BORCS8: variants seen among roughly 807,000 people sequenced by gnomAD.
BORCS8 encodes the protein BLOC-1-related complex subunit 8.
In BORCS8, 13 loss-of-function variants were observed where a neutral mutation model predicts 18.7. That is an observed-to-expected ratio of 0.70 (90% confidence interval 0.45 to 1.11). BORCS8 has a LOEUF of 1.11. Ranked by LOEUF, BORCS8 falls within the 50% of genes least tolerant of loss-of-function variation. The probability of loss-of-function intolerance (pLI) is 0.00; values close to 1 mark genes in which losing one functional copy is unlikely to be tolerated. For synonymous variants in BORCS8, 68 were observed against 64.8 expected, an observed-to-expected ratio of 1.05 and a Z score of -0.24; for missense variants, 165 against 165.7, an observed-to-expected ratio of 1.00 and a Z score of 0.02.
intron 5 of BORCS8, 56 bp downstream of exon 5, chr19:19,180,630 G>C: frequency 3.3e-6 from 4 of 1,223,338 alleles, no homozygotes; most frequent in Non-Finnish European, 4.7e-6. Context: ...TGCCAAGCGG[G>C]CGGGTTGGTT....
intron 5 of BORCS8, chr19:19,177,726 A>AGG (rs2060312957): frequency 5.7e-6 from 1 of 175,710 alleles, no homozygotes; most frequent in African/African-American, 2.5e-5. Context: ...AAGAAAAGAA[A>AGG]AGAAAAGAAA....
At position 19,182,926 on chromosome 19, in the gene BORCS8, G is replaced by T. The variant is rs542042466; in HGVS notation, c.216-243C>A. Among the ~76,000 whole-genome samples the T allele has an allele frequency of 6.6e-6, 1 of 152,156 alleles. No individual in the cohort carries two copies. The highest frequency in any genetic ancestry group is 1.5e-5 in the Non-Finnish European group (1 of 68,032). On this transcript the variant is annotated intron_variant, in intron 3 of 5. Coordinates refer to ENST00000462790, the MANE Select transcript of BORCS8 (RefSeq NM_001145784.2). This position sits in a 1 kb window ranked among gnomAD's most constrained non-coding sequence, Gnocchi z 4.1. ...TTTGAAGGAGGGATCAGTGTATAAA[G>T]ATGTCATAAAAAATATCTCGGCCAT... is the stretch of plus-strand genomic sequence containing the variant.
In BORCS8 at chr19:19,182,981, G is replaced by A. The variant is rs1453044389; in HGVS notation, c.216-298C>T. Among the ~76,000 whole-genome samples the A allele has an allele frequency of 6.6e-6, 1 of 152,128 alleles. No homozygotes were observed. The highest frequency in any genetic ancestry group is 2.4e-5 in the African/African-American group (1 of 41,422). On this transcript the variant is annotated intron_variant, in intron 3 of 5. Coordinates refer to ENST00000462790, the MANE Select transcript of BORCS8 (RefSeq NM_001145784.2). The surrounding 1 kb of genome is among the most constrained non-coding windows in gnomAD (Gnocchi z 4.1). ...GCTGATAATGGGGGTGTAAAAAATAGGAAAGAAAAAACACCTGGGCACTGT... is the reference window on the plus strand; with the variant it reads ...GCTGATAATGGGGGTGTAAAAAATAAGAAAGAAAAAACACCTGGGCACTGT...
At chr19:19,185,479 A>T (rs539068312) in intron 3 of BORCS8, among the ~76,000 whole-genome samples, 19 of 152,194 alleles carry the variant, frequency 1.2e-4, no homozygotes, top group Non-Finnish European at 2.2e-4. Flanking sequence ...TGAGGTCAGA[A>T]GTTTGAGACC....
rs1339765112 is a variant in BORCS8 at position 19,184,359 on chromosome 19, G to A, written c.215+1675C>T. On this transcript the variant is annotated intron_variant, in intron 3 of 5. Coordinates refer to ENST00000462790, the MANE Select transcript of BORCS8 (RefSeq NM_001145784.2). The stretch of plus-strand genomic sequence containing the variant: ...CTCGCTCTGTCGCCCAGGCTGGAGT[G>A]CAATGGCGTGATCTCGGCTCACTGC... Among the ~76,000 whole-genome samples the A allele has an allele frequency of 2.1e-5, 3 of 140,166 alleles. No individual in the cohort carries two copies. In the Admixed American group the frequency reaches 2.3e-4, roughly 11 times the overall value. 92.0% of individuals were successfully genotyped at this position (140,166 alleles called of 152,430 possible).
At chr19:19,184,495 G>A (rs142855388) in intron 3 of BORCS8, among the ~76,000 whole-genome samples, 1,779 of 151,928 alleles carry the variant, frequency 0.012, 39 homozygotes, top group East Asian at 0.083. Flanking sequence ...GTAAAGACGC[G>A]GTTTCACCGT....
rs1278007306 is a variant in BORCS8, at chr19:19,182,402, G to C, written c.326+171C>G. ...GCAGAGCGCAGGACCTCGGTATTAAGTGACTGAACTCAGGTTATAGATGCC... is the reference window on the plus strand; with the variant it reads ...GCAGAGCGCAGGACCTCGGTATTAACTGACTGAACTCAGGTTATAGATGCC... On this transcript the variant is annotated intron_variant, in intron 4 of 5. Transcript: ENST00000462790. This position sits in a 1 kb window ranked among gnomAD's most constrained non-coding sequence, Gnocchi z 4.1. The C allele has an allele frequency of 1.4e-6, 2 of 1,412,154 alleles. No homozygotes were observed. Among genetic ancestry groups the C allele is most frequent in the Non-Finnish European group, 1.8e-6 (2 of 1,083,206 alleles). 87.5% of individuals were successfully genotyped at this position (1,412,154 alleles called of 1,614,324 possible). A position where few individuals can be genotyped will look rare whatever the true frequency, so the allele number is the denominator to read the frequency against.
chr19:19,190,617 C>T (rs982397469), intron 1 of BORCS8, among the ~76,000 whole-genome samples: 6 of 152,180 alleles, frequency 3.9e-5, no homozygotes, highest in African/African-American at 9.7e-5. Flanking sequence ...GGAGAAACCC[C>T]GTTTCTACTG....
chr19:19,184,071 T>G (rs558424860), intron 3 of BORCS8, among the ~76,000 whole-genome samples: 4 of 149,692 alleles, frequency 2.7e-5, no homozygotes, highest in African/African-American at 7.4e-5. Flanking sequence ...TTAGTAGAGA[T>G]AGGGTTGCAC....
At position 19,182,101 on chromosome 19, in the gene BORCS8, G is replaced by A. The variant is rs1398409316; in HGVS notation, c.326+472C>T. The A allele has an allele frequency of 4.2e-6, 4 of 959,542 alleles. No homozygotes were observed. The highest frequency in any genetic ancestry group is 1.2e-4 in the East Asian group (1 of 8,680). 59.4% of individuals were successfully genotyped at this position (959,542 alleles called of 1,614,324 possible). ...CCCCAGCTGGCCGGCTCCAGCCACA[G>A]AAGCCTTCTCGGTGCTTCTCGAACA... On this transcript the variant is annotated intron_variant, in intron 4 of 5. Coordinates refer to ENST00000462790, the MANE Select transcript of BORCS8 (RefSeq NM_001145784.2). This position sits in a 1 kb window ranked among gnomAD's most constrained non-coding sequence, Gnocchi z 4.1.
intron 2 of BORCS8, among the ~76,000 whole-genome samples, chr19:19,186,337 G>A (rs2060408680): frequency 6.6e-6 from 1 of 152,186 alleles, no homozygotes; most frequent in Non-Finnish European, 1.5e-5. Flanking sequence ...ATAGTCAGAC[G>A]GCTGCCTCCT....
At chr19:19,185,940 G>A (rs2060403652) in intron 3 of BORCS8, 94 bp downstream of exon 3, 1 of 1,291,296 alleles carries the variant, frequency 7.7e-7, no homozygotes, top group Non-Finnish European at 1.1e-6. Flanking sequence ...TGGCAGGGTG[G>A]GGCTTACTGG....
At chr19:19,191,329 A>C (rs538910026) in intron 1 of BORCS8, among the ~76,000 whole-genome samples, 1 of 152,006 alleles carries the variant, frequency 6.6e-6, no homozygotes, top group Admixed American at 6.6e-5. Context: ...TCAAAAAAAA[A>C]AAAAATTAAA....
Position 19,186,992 on chromosome 19 carries a change from G to T in BORCS8, c.51C>A (p.Phe17Leu), listed in dbSNP as rs1363024959. The T allele has an allele frequency of 3.2e-6, 5 of 1,550,902 alleles. No homozygotes were observed. Among genetic ancestry groups the T allele is most frequent in the Non-Finnish European group, 4.4e-6 (5 of 1,146,672 alleles). The change falls in exon 2 of 6, where the codon TTC becomes TTA. Residue 17 changes from phenylalanine to leucine, a missense_variant. Physicochemically the swap from Phe to Leu is conservative, Grantham distance 22. Coordinates refer to ENST00000462790, the MANE Select transcript of BORCS8 (RefSeq NM_001145784.2). ...TGGCCAGGACGTAGACGCTCTCAGT[G>T]AACTTGTCCGTGACTAGATACAGGT... is the stretch of plus-strand genomic sequence containing the variant. The part of the protein sequence containing the change: ...QLKGKKVTDK[F>L]TESVYVLANE...
At chr19:19,186,828 G>T in intron 2 of BORCS8, 65 bp downstream of exon 2, 3 of 1,212,100 alleles carry the variant, frequency 2.5e-6, no homozygotes, top group South Asian at 3.0e-5. Flanking sequence ...ATGCCTCCTT[G>T]CTGGTGTCCC....
intron 2 of BORCS8, among the ~76,000 whole-genome samples, 157 bp downstream of exon 2, chr19:19,186,736 A>C (rs1046305835): frequency 1.3e-5 from 2 of 152,232 alleles, no homozygotes; most frequent in Non-Finnish European, 2.9e-5. Context: ...CATGAGAATG[A>C]ACTAATACAC....
At chr19:19,184,138 C>T (rs1452965335) in intron 3 of BORCS8, among the ~76,000 whole-genome samples, 1 of 151,938 alleles carries the variant, frequency 6.6e-6, no homozygotes, top group African/African-American at 2.4e-5. Flanking sequence ...ACCTCGGCCT[C>T]CCAAAGTGCT....
At chr19:19,189,554 T>C (rs1317309306) in intron 1 of BORCS8, among the ~76,000 whole-genome samples, 1 of 152,102 alleles carries the variant, frequency 6.6e-6, no homozygotes, top group Non-Finnish European at 1.5e-5. Context: ...CCCTGGCTCT[T>C]CCTTGGACCT....
At chr19:19,177,692 GGAAGAGAAAAGAAAAGAAAA>G (rs2060309365) in intron 5 of BORCS8, 4 of 48,894 alleles carry the variant, frequency 8.2e-5, no homozygotes, top group Non-Finnish European at 1.2e-4. Flanking sequence ...AAGGAAGGAA[GGAAGAGAAAAGAAAAGAAAA>G]GAAAAGAAAA....
Sources: allele counts gnomAD v4.1 joint callset (sites outside exome capture counted in the v4.1 genomes callset), GRCh38; gene constraint gnomAD v4.1.1; non-coding constraint Gnocchi (gnomAD v3.1); transcripts MANE v1.5; gene names NCBI Gene and HGNC (gene_info 2026-07-23, HGNC 2026-07-21).